Variants in PCDHA8 observed in about 807,000 individuals in gnomAD.
The protein encoded by PCDHA8 is protocadherin alpha-8.
A neutral mutation model predicts 61.8 loss-of-function variants in PCDHA8; 53 were observed. That is an observed-to-expected ratio of 0.86 (90% confidence interval 0.69 to 1.08). The LOEUF is 1.08. Among genes scored for constraint, PCDHA8 ranks in the 50% least tolerant of loss-of-function variants. The probability of loss-of-function intolerance (pLI) is 0.00; values close to 1 mark genes in which losing one functional copy is unlikely to be tolerated. For synonymous variants in PCDHA8, 618 were observed against 556.6 expected, an observed-to-expected ratio of 1.11 and a Z score of -1.55; for missense variants, 1,293 against 1,245.0, an observed-to-expected ratio of 1.04 and a Z score of -0.58.
At chr5:140,928,137 C>T (rs537220203) in intron 1 of PCDHA8, 14 of 1,614,066 alleles carry the variant, frequency 8.7e-6, no homozygotes, top group Admixed American at 1.7e-5. Flanking sequence ...AAGTCCTGAT[C>T]ACGGCCTCAG....
chr5:140,927,131 C>T (rs782433395), intron 1 of PCDHA8: 1 of 1,614,078 alleles, frequency 6.2e-7, no homozygotes, highest in Non-Finnish European at 8.5e-7. Context: ...GTCAGAGAGC[C>T]GGCGGACCGC....
At chr5:140,961,652 G>A (rs2095627629) in intron 1 of PCDHA8, among the ~76,000 whole-genome samples, 1 of 152,212 alleles carries the variant, frequency 6.6e-6, no homozygotes, top group Non-Finnish European at 1.5e-5. Context: ...TATGTGGTTA[G>A]TTTGAAGTTA....
chr5:140,856,202 G>A lies in PCDHA8; in HGVS notation c.2394+12487G>A, dbSNP rs150172685. On this transcript the variant is annotated intron_variant, in intron 1 of 3. Coordinates refer to ENST00000531613, the MANE Select transcript of PCDHA8 (RefSeq NM_018911.3). The stretch of plus-strand genomic sequence containing the variant: ...CGTGGGCCGCATCGCGCAGGACCTG[G>A]GGCTGGAGCTGGCGGAGCTGGTGCA... 2,025 of 1,598,130 alleles carry A rather than the reference G, an allele frequency of 1.3e-3. 175 individuals carry two copies. Among genetic ancestry groups the A allele is most frequent in the Non-Finnish European group, 1.6e-3 (1,906 of 1,167,884 alleles).
chr5:140,850,730 G>A lies in PCDHA8; in HGVS notation c.2394+7015G>A, dbSNP rs1439103901. The A allele has an allele frequency of 7.5e-6, 12 of 1,597,860 alleles. 2 individuals carry two copies. Among genetic ancestry groups the A allele is most frequent in the African/African-American group, 4.0e-5 (3 of 74,192 alleles). On this transcript the variant is annotated intron_variant, in intron 1 of 3. Transcript: ENST00000531613. The stretch of plus-strand genomic sequence containing the variant: ...CGACGCTGGTGTGTTCTAGCGCGGT[G>A]GGGAGTTGGTCGTACTCGCAGCAGA...
chr5:140,892,596 T>C (rs143701120), intron 1 of PCDHA8, among the ~76,000 whole-genome samples: 79 of 152,254 alleles, frequency 5.2e-4, no homozygotes, highest in African/African-American at 1.4e-3. Flanking sequence ...CATTCACCTA[T>C]TTTTTTCCTT....
chr5:140,894,484 T>C (rs2064498102), intron 1 of PCDHA8, among the ~76,000 whole-genome samples: 1 of 152,002 alleles, frequency 6.6e-6, no homozygotes, highest in Admixed American at 6.5e-5. Flanking sequence ...TTTCATCTTA[T>C]AGTTTTCTTT....
Position 140,978,839 on chromosome 5 carries a change from C to CT in PCDHA8, c.2395-104dup, listed in dbSNP as rs5871758. On this transcript the variant is annotated intron_variant, in intron 1 of 3. Transcript: ENST00000531613. ...TACACATGAAATGGCTCATTCAATA[C>CT]TTTTTTAGATGCCTGGAAATATTTA... 14,607 of 1,556,970 alleles carry CT rather than the reference C, an allele frequency of 9.4e-3. 629 individuals carry two copies. The African/African-American group carries it at 0.12, about 13-fold the overall frequency.
chr5:141,011,749 G>T lies in PCDHA8; in HGVS notation c.*1812G>T, dbSNP rs782567787. 1.2e-4 allele frequency: 18 copies of T among 153,636 alleles called. No homozygotes were observed. Among genetic ancestry groups the T allele is most frequent in the Non-Finnish European group, 2.5e-4 (17 of 68,010 alleles). 9.5% of individuals were successfully genotyped at this position (153,636 alleles called of 1,614,324 possible). A position where few individuals can be genotyped will look rare whatever the true frequency, so the allele number is the denominator to read the frequency against. On this transcript the variant is annotated 3_prime_UTR_variant, in exon 4 of 4. Coordinates refer to ENST00000531613, the MANE Select transcript of PCDHA8 (RefSeq NM_018911.3). ...GTGCAAGCACAAATTTTACCAATCT[G>T]ACCTCTTTGAAGTTGCAGAATGCTT...
intron 1 of PCDHA8, chr5:140,877,376 G>A: frequency 6.2e-7 from 1 of 1,614,014 alleles, no homozygotes; most frequent in Non-Finnish European, 8.5e-7. Context: ...AGCACGACAC[G>A]CATCCTGGAT....
intron 1 of PCDHA8, among the ~76,000 whole-genome samples, chr5:140,953,372 A>G (rs1472097697): frequency 6.6e-6 from 1 of 151,982 alleles, no homozygotes; most frequent in Non-Finnish European, 1.5e-5. Flanking sequence ...AGGATTCTCT[A>G]CCCCTCTCAG....
chr5:140,922,564 A>G (rs556829032), intron 1 of PCDHA8, among the ~76,000 whole-genome samples: 1 of 152,358 alleles, frequency 6.6e-6, no homozygotes, highest in South Asian at 2.1e-4. Context: ...AGTCAGGATG[A>G]CAAGTTGCCC....
At chr5:140,850,241 GCGGT>G in intron 1 of PCDHA8, 1 of 1,593,924 alleles carries the variant, frequency 6.3e-7, no homozygotes, top group Non-Finnish European at 8.6e-7. Context: ...AGATGGTGCT[GCGGT>G]CGGTGGGCGC....
In PCDHA8 at chr5:140,855,796, A is replaced by G. The variant is rs140328724; in HGVS notation, c.2394+12081A>G. 580 of 464,912 alleles carry G rather than the reference A, an allele frequency of 1.2e-3. 24 individuals carry two copies. The highest frequency in any genetic ancestry group is 0.011 in the African/African-American group (538 of 50,868). 28.8% of individuals were successfully genotyped at this position (464,912 alleles called of 1,614,324 possible). On this transcript the variant is annotated intron_variant, in intron 1 of 3. Transcript: ENST00000531613. ...AAATACGTAAAAAAAGAATTAACAT[A>G]TGAATGAAAGAAAAGTTGTGAACTC...
At chr5:140,972,334 A>G (rs2153793460) in intron 1 of PCDHA8, among the ~76,000 whole-genome samples, 1 of 151,024 alleles carries the variant, frequency 6.6e-6, no homozygotes, top group Admixed American at 6.6e-5. Flanking sequence ...TTTTTGGAAG[A>G]GATGGGGGTC....
At chr5:140,968,808 T>C in intron 1 of PCDHA8, 1 of 1,614,204 alleles carries the variant, frequency 6.2e-7, no homozygotes, top group South Asian at 1.1e-5. Context: ...GTAGCTGTGG[T>C]GGATAGGGTT....
chr5:140,882,932 C>G (rs946510478), intron 1 of PCDHA8: 1 of 1,614,196 alleles, frequency 6.2e-7, no homozygotes, highest in Admixed American at 1.7e-5. Flanking sequence ...TAAACCCGAG[C>G]TGACTGGCAC....
At chr5:140,966,416 A>T in intron 1 of PCDHA8, 1 of 419,730 alleles carries the variant, frequency 2.4e-6, no homozygotes, top group Non-Finnish European at 4.1e-6. Context: ...TCAGAGCAGG[A>T]CTTGCTGAGC....
chr5:140,924,901 A>AATAAAAT lies in PCDHA8; in HGVS notation c.2395-54047_2395-54046insTAAAATA, dbSNP rs145282866. On this transcript the variant is annotated intron_variant, in intron 1 of 3. Transcript: ENST00000531613. The stretch of plus-strand genomic sequence containing the variant: ...CAGAGCAAGAACCTGTCTCAAAAAA[A>AATAAAAT]AAAATAAAATAAAATAAAATAAAAT... 2.3e-3 allele frequency among the ~76,000 whole-genome samples: 186 copies of AATAAAAT among 80,480 alleles called. 2 individuals carry two copies. The highest frequency in any genetic ancestry group is 0.012 in the Middle Eastern group (2 of 162). The allele number at this position is 80,480 out of a possible 152,430, so 52.8% of individuals were successfully genotyped here. A position where few individuals can be genotyped will look rare whatever the true frequency, so the allele number is the denominator to read the frequency against.
rs201572428 is a variant in PCDHA8, at chr5:140,982,529, T to A, written c.2508T>A (p.Asp836Glu). 220 of 1,614,200 alleles carry A rather than the reference T, an allele frequency of 1.4e-4. No homozygotes were observed. Among genetic ancestry groups the A allele is most frequent in the Non-Finnish European group, 1.7e-4 (202 of 1,180,036 alleles). Reference sequence around the variant, plus strand: ...TACGGGCTGGTCCAGGAGGGCCTGATCAGCAGTGGCCAACAGTATCCAGTG... The same window carrying A: ...TACGGGCTGGTCCAGGAGGGCCTGAACAGCAGTGGCCAACAGTATCCAGTG... ...GILRAGPGGP[D>E]QQWPTVSSAT... Residue 836 changes from aspartate (D) to glutamate (E), a missense_variant, in exon 3 of 4, where the codon GAT becomes GAA. Transcript: ENST00000531613.
Sources: allele counts gnomAD v4.1 joint callset (sites outside exome capture counted in the v4.1 genomes callset), GRCh38; gene constraint gnomAD v4.1.1; transcripts MANE v1.5; gene names NCBI Gene and HGNC (gene_info 2026-07-23, HGNC 2026-07-21).